Variants in RAD17 observed in about 807,000 individuals in gnomAD.
The protein encoded by RAD17 is cell cycle checkpoint protein RAD17.
In RAD17, 31 loss-of-function variants were observed where a neutral mutation model predicts 81.5. The observed-to-expected ratio is 0.38, with a 90% CI of 0.29 to 0.51. The LOEUF (loss-of-function observed/expected upper bound fraction) is 0.51, where lower values mean the gene tolerates loss of function less well. RAD17 is among the 20% of genes least tolerant of loss of function. The pLI is 0.88. For missense variants in RAD17, 681 were observed against 781.2 expected (o/e 0.87, Z 1.53); for synonymous variants, 261 against 266.2 (o/e 0.98, Z 0.19).
intron 17 of RAD17, among the ~76,000 whole-genome samples, chr5:69,403,315 T>TACG (rs1765388087): frequency 6.6e-6 from 1 of 152,200 alleles, no homozygotes; most frequent in Non-Finnish European, 1.5e-5. Flanking sequence ...ACAGTTACTG[T>TACG]ACGATCCCTC....
chr5:69,395,717 A>G (rs547333436), intron 15 of RAD17, among the ~76,000 whole-genome samples: 77 of 152,274 alleles, frequency 5.1e-4, no homozygotes, highest in Non-Finnish European at 1.1e-3. Context: ...TGATAGTACA[A>G]TGAATAGCTG....
rs17229887 is a variant in RAD17 at position 69,382,167 on chromosome 5, G to A, written c.508+110G>A. The A allele has an allele frequency of 2.7e-3, 3,505 of 1,291,340 alleles. 136 individuals are homozygous for A. The South Asian group carries it at 0.044, about 16-fold the overall frequency. 80.0% of individuals were successfully genotyped at this position (1,291,340 alleles called of 1,614,324 possible). ...TTTTCCCATACTTCTTGCTTTCAGA[G>A]GGATGGAATTTCACAGGCCAGGTGC... On this transcript the variant is annotated intron_variant, in intron 7 of 18. Transcript: ENST00000354868.
intron 13 of RAD17, among the ~76,000 whole-genome samples, chr5:69,392,602 G>C (rs1194742045): frequency 6.6e-6 from 1 of 152,136 alleles, no homozygotes; most frequent in Non-Finnish European, 1.5e-5. Flanking sequence ...TTTCTAAATG[G>C]AAACCTTCAT....
At chr5:69,397,979 T>G (rs1765003599) in intron 16 of RAD17, among the ~76,000 whole-genome samples, 1 of 152,132 alleles carries the variant, frequency 6.6e-6, no homozygotes, top group South Asian at 2.1e-4. Flanking sequence ...TAGCCGGGTG[T>G]GGCGGCGTGC....
intron 16 of RAD17, among the ~76,000 whole-genome samples, chr5:69,398,325 A>G (rs1765031761): frequency 6.6e-6 from 1 of 152,122 alleles, no homozygotes; most frequent in African/African-American, 2.4e-5. Flanking sequence ...AGGAGAAGAA[A>G]TCTTGGCCTT....
chr5:69,410,124 A>G (rs1190500859), intron 17 of RAD17, among the ~76,000 whole-genome samples: 1 of 152,204 alleles, frequency 6.6e-6, no homozygotes, highest in Non-Finnish European at 1.5e-5. Context: ...TGGGCATACA[A>G]ATATCTTTTT....
At chr5:69,398,589 C>G (rs1442837437) in intron 16 of RAD17, among the ~76,000 whole-genome samples, 1 of 151,898 alleles carries the variant, frequency 6.6e-6, no homozygotes, top group Admixed American at 6.6e-5. Flanking sequence ...GGGCAGAACA[C>G]AAGGTCAGGA....
chr5:69,404,581 A>C (rs1765472857), intron 17 of RAD17, among the ~76,000 whole-genome samples: 1 of 152,110 alleles, frequency 6.6e-6, no homozygotes, highest in Non-Finnish European at 1.5e-5. Flanking sequence ...CAGCCTGGCC[A>C]ACATGGCAAA....
intron 17 of RAD17, among the ~76,000 whole-genome samples, chr5:69,406,417 AT>A (rs139826468): frequency 0.011 from 1,612 of 152,248 alleles, 36 homozygotes; most frequent in African/African-American, 0.038. Flanking sequence ...AGAATACAAA[AT>A]TTTGTTATGT....
Position 69,386,495 on chromosome 5 carries a change from G to T in RAD17, c.894+30G>T, listed in dbSNP as rs746900477. 3.3e-6 allele frequency: 5 copies of T among 1,530,666 alleles called. No individual in the cohort carries two copies. In the African/African-American group the frequency reaches 7.0e-5, roughly 21 times the overall value. The allele number at this position is 1,530,666 out of a possible 1,614,324, so 94.8% of individuals were successfully genotyped here. ...GTCTCTGATTAATTAAACCTTACTC[G>T]ATAACTATAGAAAGCCTAGCTTAAA... On this transcript the variant is annotated intron_variant, in intron 11 of 18. Coordinates refer to ENST00000354868, the MANE Select transcript of RAD17 (RefSeq NM_133338.3).
At chr5:69,369,647 C>T (rs114401758), upstream of RAD17, 2,268 of 1,562,070 alleles carry the variant, frequency 1.5e-3, 32 homozygotes, top group African/African-American at 0.028. Context: ...AGCCGCGGCC[C>T]ACTGGTTACC....
intron 6 of RAD17, among the ~76,000 whole-genome samples, chr5:69,381,059 G>A (rs563513050): frequency 6.2e-4 from 95 of 152,074 alleles, no homozygotes; most frequent in African/African-American, 2.1e-3. Flanking sequence ...GTGAGCCGCC[G>A]TGCTCTTCCC....
At chr5:69,370,554 CTGGT>C in intron 1 of RAD17, among the ~76,000 whole-genome samples, 1 of 152,248 alleles carries the variant, frequency 6.6e-6, no homozygotes. Context: ...TTTGGCCAGG[CTGGT>C]CTCAAACTCC....
rs1305866535 is a variant in RAD17 at position 69,403,798 on chromosome 5, G to A, written c.1693+3629G>A. Among the ~76,000 whole-genome samples, 3 of 152,078 alleles carry A rather than the reference G, an allele frequency of 2.0e-5. No homozygotes were observed. In the East Asian group the frequency reaches 5.8e-4, roughly 29 times the overall value. On this transcript the variant is annotated intron_variant, in intron 17 of 18. Transcript: ENST00000354868. ...TAGCTGGGTGTTGTGGCTTGCACCT[G>A]TAGTCCCAGCTACTCGGGAGGCTGA...
At chr5:69,399,023 A>G (rs1765082597) in intron 16 of RAD17, among the ~76,000 whole-genome samples, 1 of 152,034 alleles carries the variant, frequency 6.6e-6, no homozygotes, top group Non-Finnish European at 1.5e-5. Flanking sequence ...AAAAAAAATA[A>G]TAAAAAAATT....
intron 18 of RAD17, among the ~76,000 whole-genome samples, chr5:69,412,322 A>G (rs961257062): frequency 2.6e-5 from 4 of 152,200 alleles, no homozygotes; most frequent in Admixed American, 6.5e-5. Context: ...TATGTTGACC[A>G]TATTTAAAAC....
At chr5:69,399,857 C>G (rs1765146426) in intron 16 of RAD17, among the ~76,000 whole-genome samples, 192 bp from the exon 17 acceptor site, 1 of 151,822 alleles carries the variant, frequency 6.6e-6, no homozygotes, top group South Asian at 2.1e-4. Context: ...AGGTAAAATA[C>G]TTTATTAAAC....
intron 6 of RAD17, among the ~76,000 whole-genome samples, chr5:69,381,324 C>A (rs1351213454): frequency 6.6e-6 from 1 of 151,532 alleles, no homozygotes; most frequent in Non-Finnish European, 1.5e-5. Context: ...ACTAAAAATA[C>A]AAAAAAATTA....
chr5:69,395,840 G>A (rs1009172308), intron 15 of RAD17, among the ~76,000 whole-genome samples: 2 of 151,936 alleles, frequency 1.3e-5, no homozygotes, highest in Non-Finnish European at 2.9e-5. Context: ...TAGTAATTGC[G>A]AACATCGTGA....
Sources: gnomAD v4.1 joint callset for allele counts (sites outside exome capture counted in the v4.1 genomes callset) on GRCh38, gnomAD v4.1.1 for gene constraint, MANE v1.5 for transcripts, NCBI Gene and HGNC (gene_info 2026-07-23, HGNC 2026-07-21) for gene names.